The following BRINP3 variants were observed in gnomAD, a reference collection of about 807,000 sequenced individuals.
The protein encoded by BRINP3 is BMP/retinoic acid inducible neural specific 3, also known as BMP/retinoic acid-inducible neural-specific protein 3.
A neutral mutation model predicts 71.0 loss-of-function variants in BRINP3; 19 were observed. The ratio of observed to expected loss-of-function variants is 0.27; its 90% confidence interval spans 0.19 to 0.39. BRINP3 has a LOEUF of 0.39. Ranked by LOEUF, BRINP3 falls within the 10% of genes least tolerant of loss-of-function variation. The pLI, the probability that BRINP3 is intolerant of heterozygous loss-of-function variation, is 1.00. For missense variants in BRINP3, 959 were observed against 940.8 expected (o/e 1.02, Z -0.25); for synonymous variants, 380 against 337.7 (o/e 1.13, Z -1.37).
chr1:190,388,645 T>C (rs1158221533), intron 2 of BRINP3, among the ~76,000 whole-genome samples: 1 of 151,766 alleles, frequency 6.6e-6, no homozygotes, highest in Non-Finnish European at 1.5e-5. Context: ...GACTACTTGA[T>C]TTTGGACTTC....
intron 2 of BRINP3, among the ~76,000 whole-genome samples, chr1:190,305,859 TC>T (rs1665059337): frequency 6.6e-6 from 1 of 151,866 alleles, no homozygotes; most frequent in African/African-American, 2.4e-5. Flanking sequence ...CCTGATTTGA[TC>T]ATTACATAAT....
chr1:190,283,001 G>A (rs751179510), intron 2 of BRINP3, among the ~76,000 whole-genome samples: 2 of 151,826 alleles, frequency 1.3e-5, no homozygotes, highest in East Asian at 1.9e-4. Flanking sequence ...GAATAATGAG[G>A]AACAGTGTAC....
intron 2 of BRINP3, among the ~76,000 whole-genome samples, chr1:190,346,916 T>G (rs2102020034): frequency 6.6e-6 from 1 of 152,246 alleles, no homozygotes; most frequent in African/African-American, 2.4e-5. Context: ...CCTATATTTT[T>G]ATGGTTGTTC....
intron 2 of BRINP3, among the ~76,000 whole-genome samples, chr1:190,308,519 C>T (rs1432562304): frequency 6.6e-6 from 1 of 151,620 alleles, no homozygotes; most frequent in Non-Finnish European, 1.5e-5. Flanking sequence ...GGAGGGATAG[C>T]ATTAGGTGAT....
intron 3 of BRINP3, among the ~76,000 whole-genome samples, chr1:190,275,381 A>T (rs10920681): frequency 0.38 from 58,073 of 151,242 alleles, 12,516 homozygotes; most frequent in Non-Finnish European, 0.49. Context: ...CTTAATGTGC[A>T]TATAAATCAC....
chr1:190,312,987 C>A (rs1172140980), intron 2 of BRINP3, among the ~76,000 whole-genome samples: 4 of 151,690 alleles, frequency 2.6e-5, no homozygotes, highest in African/African-American at 9.7e-5. Flanking sequence ...ATAATAGCTA[C>A]CATTAATGTC....
At chr1:190,402,786 C>T (rs1189418606) in intron 2 of BRINP3, among the ~76,000 whole-genome samples, 4 of 152,098 alleles carry the variant, frequency 2.6e-5, no homozygotes, top group Non-Finnish European at 4.4e-5. Context: ...GGCTGGAGTG[C>T]CATGGTGCCA....
intron 6 of BRINP3, among the ~76,000 whole-genome samples, chr1:190,205,932 C>T (rs1655454125): frequency 2.0e-5 from 3 of 150,646 alleles, no homozygotes; most frequent in Admixed American, 1.3e-4. Flanking sequence ...ATTTTTTTTT[C>T]CCAAAGGAAA....
intron 2 of BRINP3, 115 bp downstream of exon 2, chr1:190,454,540 T>C (rs1675856593): frequency 5.3e-6 from 4 of 751,606 alleles, no homozygotes; most frequent in African/African-American, 5.3e-5. Context: ...GCATGGTAAA[T>C]AACAACCCTT....
At chr1:190,268,718 T>C (rs1444123178) in intron 3 of BRINP3, among the ~76,000 whole-genome samples, 1 of 151,960 alleles carries the variant, frequency 6.6e-6, no homozygotes, top group African/African-American at 2.4e-5. Context: ...TACAAGCAAA[T>C]AATAAAAATA....
At chr1:190,127,546 C>G (rs1256239894) in intron 7 of BRINP3, among the ~76,000 whole-genome samples, 1 of 151,812 alleles carries the variant, frequency 6.6e-6, no homozygotes, top group African/African-American at 2.4e-5. Context: ...GTTTTTGTTA[C>G]ACCCACAATT....
intron 2 of BRINP3, chr1:190,342,290 G>A (rs1391401290): frequency 2.0e-5 from 3 of 147,804 alleles, no homozygotes; most frequent in African/African-American, 7.5e-5. Flanking sequence ...AAGTAACCTA[G>A]CATATTCACA....
In BRINP3 at chr1:190,279,387, T is replaced by C. The variant is rs544585266; in HGVS notation, c.427+2173A>G. On this transcript the variant is annotated intron_variant, in intron 3 of 7. Transcript: ENST00000367462. ...CAGTTTTCAACATTTATACTAACCT[T>C]TCTATGTCCCATCACATAGGTGTTA... is the stretch of plus-strand genomic sequence containing the variant. Among the ~76,000 whole-genome samples the C allele has an allele frequency of 2.6e-5, 4 of 151,960 alleles. No homozygotes were observed. In the East Asian group the frequency reaches 7.8e-4, roughly 29 times the overall value.
At chr1:190,402,304 C>T (rs1434477769) in intron 2 of BRINP3, among the ~76,000 whole-genome samples, 1 of 151,958 alleles carries the variant, frequency 6.6e-6, no homozygotes, top group African/African-American at 2.4e-5. Flanking sequence ...AAGTATAGGA[C>T]ATCTTCAAAA....
chr1:190,176,605 G>A (rs1280566284), intron 6 of BRINP3, among the ~76,000 whole-genome samples: 1 of 152,010 alleles, frequency 6.6e-6, no homozygotes, highest in Non-Finnish European at 1.5e-5. Flanking sequence ...TTTAATCATG[G>A]CCCTTTACTA....
At chr1:190,421,580 C>A (rs1295251281) in intron 2 of BRINP3, among the ~76,000 whole-genome samples, 1 of 151,488 alleles carries the variant, frequency 6.6e-6, no homozygotes, top group African/African-American at 2.4e-5. Context: ...GGCATCATTT[C>A]TTGGAATGAG....
chr1:190,288,909 T>G (rs1472692652), intron 2 of BRINP3, among the ~76,000 whole-genome samples: 1 of 151,938 alleles, frequency 6.6e-6, no homozygotes, highest in Non-Finnish European at 1.5e-5. Context: ...GTGAAATAGA[T>G]ATCTGTTAAT....
At chr1:190,225,605 C>T (rs1369966024) in intron 6 of BRINP3, among the ~76,000 whole-genome samples, 1 of 151,788 alleles carries the variant, frequency 6.6e-6, no homozygotes, top group East Asian at 1.9e-4. Flanking sequence ...AAAAATAAAA[C>T]AATCATAACA....
chr1:190,310,076 T>C (rs939442542), intron 2 of BRINP3, among the ~76,000 whole-genome samples: 1 of 150,430 alleles, frequency 6.6e-6, no homozygotes, highest in African/African-American at 2.4e-5. Flanking sequence ...TTTTAGTATA[T>C]ATGGACTCAC....
Sources: allele counts gnomAD v4.1 joint callset (sites outside exome capture counted in the v4.1 genomes callset), GRCh38; gene constraint gnomAD v4.1.1; transcripts MANE v1.5; gene names NCBI Gene and HGNC (gene_info 2026-07-23, HGNC 2026-07-21).